SRPK1: variants seen among roughly 807,000 people sequenced by gnomAD.
SRPK1 encodes the protein SFRS protein kinase 1.
SRPK1 carries 52 observed loss-of-function variants against 89.5 expected under a neutral mutation model. That is an observed-to-expected ratio of 0.58 (90% confidence interval 0.46 to 0.73). The LOEUF is 0.73. Ranked by LOEUF, SRPK1 falls within the 30% of genes least tolerant of loss-of-function variation. The probability of loss-of-function intolerance (pLI) is 0.00; values close to 1 mark genes in which losing one functional copy is unlikely to be tolerated. For missense variants in SRPK1, 603 were observed against 780.6 expected (o/e 0.77, Z 2.71); for synonymous variants, 255 against 270.2 (o/e 0.94, Z 0.55).
At chr6:35,838,825 A>T (rs567139361) in intron 14 of SRPK1, 1 of 1,366,000 alleles carries the variant, frequency 7.3e-7, no homozygotes, top group Admixed American at 1.9e-5. Context: ...AGAAGAACAG[A>T]TCAAGGACAA....
chr6:35,897,061 G>A (rs776027161), intron 2 of SRPK1, among the ~76,000 whole-genome samples: 2 of 152,184 alleles, frequency 1.3e-5, no homozygotes, highest in Non-Finnish European at 2.9e-5. Flanking sequence ...TGAGTAAAGC[G>A]AGTAATGGTG....
rs182783129 is a variant in SRPK1, at chr6:35,888,175, T to C, written c.303-64A>G. On this transcript the variant is annotated intron_variant, in intron 4 of 15. Coordinates refer to ENST00000373825, the MANE Select transcript of SRPK1 (RefSeq NM_003137.5). ...ACCCTTACTTTAGGAAGCTAAGATTTAGCTATAAGATGGTTAAAAAGGACA... is the reference window on the plus strand; with the variant it reads ...ACCCTTACTTTAGGAAGCTAAGATTCAGCTATAAGATGGTTAAAAAGGACA... 2.1e-5 allele frequency: 24 copies of C among 1,126,328 alleles called. No individual in the cohort carries two copies. In the East Asian group the frequency reaches 6.1e-4, roughly 28 times the overall value. 69.8% of individuals were successfully genotyped at this position (1,126,328 alleles called of 1,614,324 possible). A position where few individuals can be genotyped will look rare whatever the true frequency, so the allele number is the denominator to read the frequency against.
At chr6:35,894,199 T>C (rs74688902) in intron 2 of SRPK1, among the ~76,000 whole-genome samples, 1,847 of 152,130 alleles carry the variant, frequency 0.012, 35 homozygotes, top group African/African-American at 0.043. Context: ...ACAAGAGAGA[T>C]ATGCATTCAG....
chr6:35,876,319 C>T (rs915954841), intron 6 of SRPK1, among the ~76,000 whole-genome samples: 1 of 152,104 alleles, frequency 6.6e-6, no homozygotes, highest in Non-Finnish European at 1.5e-5. Context: ...CTTTGGAAAA[C>T]TGCTTGGCAA....
intron 13 of SRPK1, among the ~76,000 whole-genome samples, chr6:35,854,411 C>T (rs11755234): frequency 2.5e-3 from 378 of 152,258 alleles, no homozygotes; most frequent in Non-Finnish European, 3.8e-3. Context: ...CAGGCACTTC[C>T]GATATTCCAG....
At chr6:35,857,041 T>C (rs2151084267) in intron 13 of SRPK1, 1 of 452,192 alleles carries the variant, frequency 2.2e-6, no homozygotes, top group South Asian at 5.0e-5. Context: ...AGTAAGAAAC[T>C]TTTGGTTCCT....
intron 12 of SRPK1, among the ~76,000 whole-genome samples, chr6:35,867,740 C>T (rs1364968895): frequency 1.3e-5 from 2 of 151,992 alleles, no homozygotes; most frequent in African/African-American, 4.8e-5. Context: ...TCACCTGAAT[C>T]CGGGAGGCAG....
At chr6:35,921,005 A>G in intron 1 of SRPK1, 39 bp downstream of exon 1, 2 of 1,531,934 alleles carry the variant, frequency 1.3e-6, no homozygotes, top group Non-Finnish European at 1.8e-6. Context: ...CGCCCCGGCG[A>G]CCATTGCCCC....
intron 13 of SRPK1, among the ~76,000 whole-genome samples, chr6:35,842,898 C>CT (rs1769342961): frequency 6.6e-6 from 1 of 151,760 alleles, no homozygotes; most frequent in Admixed American, 6.6e-5. Context: ...CTGAGTTTCC[C>CT]TTTTTTGGCC....
rs764889990 is a variant in SRPK1 at position 35,857,333 on chromosome 6, T to C, written c.1548A>G (p.Gln516=). ...CGATTAGAACTTCCAAGGAACGATA[T>C]TGCCTTGTTTGAATATCTTCAGTGA... ...KHFTEDIQTR[Q]YRSLEVLIGS... is the part of the protein sequence containing the mutation. Residue 516 remains glutamine (Q), a synonymous_variant, in exon 13 of 16, where the codon CAA becomes CAG. Coordinates refer to ENST00000373825, the MANE Select transcript of SRPK1 (RefSeq NM_003137.5). The C allele has an allele frequency of 5.0e-6, 8 of 1,612,602 alleles. No homozygotes were observed. Among genetic ancestry groups the C allele is most frequent in the East Asian group, 4.5e-5 (2 of 44,862 alleles).
Position 35,842,525 on chromosome 6 carries a change from G to A in SRPK1, c.1690+10C>T, listed in dbSNP as rs777680412. 1.1e-5 allele frequency: 17 copies of A among 1,605,742 alleles called. No homozygotes were observed. The highest frequency in any genetic ancestry group is 1.4e-5 in the Non-Finnish European group (17 of 1,175,728). ...ACCACGCACACACATCCATGGTTAA[G>A]GGGACTCACCTTCATCTCGAGTGTA... On this transcript the variant is annotated intron_variant, in intron 14 of 15. Transcript: ENST00000373825.
At chr6:35,866,019 A>C (rs1457844523) in intron 12 of SRPK1, among the ~76,000 whole-genome samples, 2 of 152,154 alleles carry the variant, frequency 1.3e-5, no homozygotes, top group Admixed American at 6.5e-5. Flanking sequence ...CTCAATTAAA[A>C]AAAAAACCAA....
rs1322712028 is a variant in SRPK1, at chr6:35,872,700, G to A, written c.614C>T (p.Thr205Ile). 6.2e-7 allele frequency: 1 copy of A among 1,608,096 alleles called. No homozygotes were observed. The highest frequency in any genetic ancestry group is 8.5e-7 in the Non-Finnish European group (1 of 1,177,508). ...GTCAGTGTGGATGATACGGCACTTGGTATGTAAATAATCAAGACCCTGTAA... is the reference window on the plus strand; with the variant it reads ...GTCAGTGTGGATGATACGGCACTTGATATGTAAATAATCAAGACCCTGTAA... Reference protein sequence around the residue: ...QVLQGLDYLHTKCRIIHTDIK... With the variant: ...QVLQGLDYLHIKCRIIHTDIK... The change falls in exon 8 of 16, where the codon ACC becomes ATC. Residue 205 changes from threonine (T) to isoleucine (I), a missense_variant. Transcript: ENST00000373825.
intron 7 of SRPK1, 123 bp downstream of exon 7, chr6:35,874,110 A>G: frequency 2.8e-6 from 2 of 714,148 alleles, no homozygotes; most frequent in South Asian, 3.6e-5. Flanking sequence ...TACAGGAATG[A>G]GCCACCACAC....
Position 35,890,891 on chromosome 6 carries a change from T to C in SRPK1, c.193+4A>G. The C allele has an allele frequency of 6.5e-7, 1 of 1,547,076 alleles. No individual in the cohort carries two copies. The highest frequency in any genetic ancestry group is 1.2e-5 in the South Asian group (1 of 83,056). The stretch of plus-strand genomic sequence containing the variant: ...TCTCACTTCATACCTCTTTATGAAC[T>C]TACCTTTACAATAATCATTAGGATC... On this transcript the variant is annotated splice_donor_region_variant and intron_variant, in intron 3 of 15. Transcript: ENST00000373825.
chr6:35,916,242 AAATTAATT>A (rs10692371), intron 2 of SRPK1, among the ~76,000 whole-genome samples: 3 of 148,032 alleles, frequency 2.0e-5, no homozygotes, highest in Admixed American at 6.7e-5. Flanking sequence ...ATAAATAAAT[AAATTAATT>A]AATTAATTAA....
intron 2 of SRPK1, among the ~76,000 whole-genome samples, chr6:35,903,268 T>C (rs1770784837): frequency 6.6e-6 from 1 of 152,098 alleles, no homozygotes; most frequent in Non-Finnish European, 1.5e-5. Context: ...TCCCAGCACT[T>C]TGGGAGGCAG....
In SRPK1 at chr6:35,906,947, G is replaced by C. The variant is rs148887401; in HGVS notation, c.74+13521C>G. ...TAGGGATCTGTCAACTCTCTCTCTG[G>C]GTAACCAAAGTTATGAGATAAAGTT... On this transcript the variant is annotated intron_variant, in intron 2 of 15. Transcript: ENST00000373825. Among the ~76,000 whole-genome samples the C allele has an allele frequency of 8.7e-3, 1,321 of 151,970 alleles. 21 individuals are homozygous for C. Among genetic ancestry groups the C allele is most frequent in the African/African-American group, 0.029 (1,213 of 41,436 alleles).
chr6:35,883,790 G>A (rs549736862), intron 6 of SRPK1, among the ~76,000 whole-genome samples: 380 of 151,650 alleles, frequency 2.5e-3, no homozygotes, highest in African/African-American at 8.8e-3. Context: ...CTGGAGTGCA[G>A]TTGGCGCTAT....
Sources: allele counts gnomAD v4.1 joint callset (sites outside exome capture counted in the v4.1 genomes callset), GRCh38; gene constraint gnomAD v4.1.1; transcripts MANE v1.5; gene names NCBI Gene and HGNC (gene_info 2026-07-23, HGNC 2026-07-21).